The following RNF175 variants were observed in gnomAD, a reference collection of about 807,000 sequenced individuals.
The protein encoded by RNF175 is ring finger protein 175.
A neutral mutation model predicts 50.0 loss-of-function variants in RNF175; 38 were observed. The observed-to-expected ratio is 0.76, with a 90% CI of 0.59 to 1.00. The LOEUF (loss-of-function observed/expected upper bound fraction) is 1.00, where lower values mean the gene tolerates loss of function less well. RNF175 is among the 50% of genes least tolerant of loss of function. The pLI is 0.00. For missense variants in RNF175, 388 were observed against 409.6 expected (o/e 0.95, Z 0.46); for synonymous variants, 155 against 146.1 (o/e 1.06, Z -0.44).
intron 1 of RNF175, among the ~76,000 whole-genome samples, chr4:153,753,571 T>A (rs1166191034): frequency 1.3e-5 from 2 of 150,926 alleles, no homozygotes; most frequent in East Asian, 4.0e-4. Flanking sequence ...TTTTTTTTTT[T>A]CCCGAGGTGG....
chr4:153,735,699 C>T (rs1468359123), intron 3 of RNF175, among the ~76,000 whole-genome samples: 1 of 152,154 alleles, frequency 6.6e-6, no homozygotes, highest in African/African-American at 2.4e-5. Flanking sequence ...TCTCCTTTCT[C>T]TGTATAGATC....
At chr4:153,716,815 T>G (rs1737962082) in intron 6 of RNF175, among the ~76,000 whole-genome samples, 1 of 152,188 alleles carries the variant, frequency 6.6e-6, no homozygotes, top group Admixed American at 6.5e-5. Context: ...GAAGCCTCAG[T>G]TTTTGCTTTT....
chr4:153,744,871 G>A (rs1380979762), intron 3 of RNF175, among the ~76,000 whole-genome samples: 1 of 152,122 alleles, frequency 6.6e-6, no homozygotes, highest in Non-Finnish European at 1.5e-5. Flanking sequence ...GGCAGAAAAT[G>A]GATACATTTG....
chr4:153,712,853 C>CT (rs111263057), intron 7 of RNF175, among the ~76,000 whole-genome samples: 23,900 of 141,932 alleles, frequency 0.17, 2,095 homozygotes, highest in Middle Eastern at 0.26. Flanking sequence ...AATATGAGTC[C>CT]TTTTTTTTTT....
chr4:153,756,311 C>T (rs1740560682), intron 1 of RNF175, among the ~76,000 whole-genome samples: 1 of 152,120 alleles, frequency 6.6e-6, no homozygotes, highest in Admixed American at 6.5e-5. Flanking sequence ...TGAATGCCTC[C>T]TACATAGCCC....
intron 7 of RNF175, chr4:153,714,472 C>T (rs566942821): frequency 2.6e-5 from 4 of 152,206 alleles, no homozygotes; most frequent in South Asian, 2.1e-4. Flanking sequence ...TACTGGACAC[C>T]GAGGTATGAC....
intron 6 of RNF175, among the ~76,000 whole-genome samples, chr4:153,717,534 AACACAC>A (rs61710163): frequency 1.3e-5 from 2 of 149,676 alleles, no homozygotes; most frequent in Non-Finnish European, 3.0e-5. Context: ...TACACACACA[AACACAC>A]ACACACACAC....
intron 2 of RNF175, among the ~76,000 whole-genome samples, chr4:153,749,540 G>A (rs1184318149): frequency 6.6e-6 from 1 of 152,192 alleles, no homozygotes; most frequent in African/African-American, 2.4e-5. Context: ...TCTTAGACAT[G>A]CACAGACATT....
At chr4:153,715,691 C>A in intron 6 of RNF175, 29 bp from the exon 7 acceptor site, 1 of 1,603,048 alleles carries the variant, frequency 6.2e-7, no homozygotes, top group South Asian at 1.1e-5. Context: ...AGAGCACAGT[C>A]AGAAAGGAGA....
chr4:153,753,544 C>T (rs772130089), intron 1 of RNF175, among the ~76,000 whole-genome samples: 29 of 62,776 alleles, frequency 4.6e-4, no homozygotes, highest in Non-Finnish European at 1.1e-3. Context: ...TTTATCTTTT[C>T]TCTCTCTCTC....
chr4:153,754,298 G>C (rs1223480705), intron 1 of RNF175, among the ~76,000 whole-genome samples: 1 of 152,150 alleles, frequency 6.6e-6, no homozygotes, highest in Admixed American at 6.5e-5. Context: ...AATAGCCTGT[G>C]CTCTGGGAAA....
chr4:153,725,726 G>A (rs1350801126), intron 4 of RNF175, among the ~76,000 whole-genome samples: 1 of 152,166 alleles, frequency 6.6e-6, no homozygotes, highest in Non-Finnish European at 1.5e-5. Flanking sequence ...TTTATAACAT[G>A]AGGATAACAC....
chr4:153,728,349 A>G lies in RNF175; in HGVS notation c.259T>C (p.Leu87=). ...TATAAGGGGACAACCCACATCTGCA[A>G]CAAGGTCACCAGCTGTCAGAGAAAT... ...HGRSYNLVTL[L]QMWVVPLYFT... The change falls in exon 4 of 9, where the codon TTG becomes CTG. Residue 87 remains leucine (L), a synonymous_variant. Coordinates refer to ENST00000347063, the MANE Select transcript of RNF175 (RefSeq NM_173662.4). 2 of 1,613,710 alleles carry G rather than the reference A, an allele frequency of 1.2e-6. No homozygotes were observed. The highest frequency in any genetic ancestry group is 2.2e-5 in the East Asian group (1 of 44,876).
chr4:153,712,308 A>G (rs1737638394), intron 8 of RNF175, among the ~76,000 whole-genome samples, 167 bp downstream of exon 8: 1 of 152,252 alleles, frequency 6.6e-6, no homozygotes, highest in Non-Finnish European at 1.5e-5. Flanking sequence ...ATAGTAATAT[A>G]GGCACAGAGG....
intron 8 of RNF175, 150 bp from the exon 9 acceptor site, chr4:153,710,639 T>C: frequency 4.3e-6 from 3 of 697,010 alleles, no homozygotes; most frequent in Non-Finnish European, 7.1e-6. Context: ...CTTATGTGAG[T>C]TTTATAGCAT....
At chr4:153,730,877 A>G (rs1022938887) in intron 3 of RNF175, among the ~76,000 whole-genome samples, 2 of 152,188 alleles carry the variant, frequency 1.3e-5, no homozygotes, top group African/African-American at 4.8e-5. Context: ...CTTCCTGTAA[A>G]TCCATAAGTA....
intron 3 of RNF175, among the ~76,000 whole-genome samples, chr4:153,729,104 C>A (rs891423294): frequency 6.6e-6 from 1 of 152,232 alleles, no homozygotes; most frequent in Non-Finnish European, 1.5e-5. Context: ...ACTCCTACTC[C>A]TCGAAGCAGG....
chr4:153,759,162 C>G (rs1740702082), intron 1 of RNF175, among the ~76,000 whole-genome samples: 1 of 152,086 alleles, frequency 6.6e-6, no homozygotes, highest in Non-Finnish European at 1.5e-5. Context: ...GTCCTATGAA[C>G]GAAGAATAAA....
intron 2 of RNF175, among the ~76,000 whole-genome samples, chr4:153,749,780 G>A (rs1044459914): frequency 1.9e-4 from 29 of 152,172 alleles, no homozygotes; most frequent in Non-Finnish European, 3.5e-4. Context: ...TGGGTGTTGG[G>A]GGCTGAATTT....
Sources: allele counts gnomAD v4.1 joint callset (sites outside exome capture counted in the v4.1 genomes callset), GRCh38; gene constraint gnomAD v4.1.1; transcripts MANE v1.5; gene names NCBI Gene and HGNC (gene_info 2026-07-23, HGNC 2026-07-21).